The following TVP23C variants were observed in gnomAD, a reference collection of about 807,000 sequenced individuals.
TVP23C encodes Golgi apparatus membrane protein TVP23 homolog C.
TVP23C carries 19 observed loss-of-function variants against 28.7 expected under a neutral mutation model. That is an observed-to-expected ratio of 0.66 (90% CI 0.46 to 0.97). The LOEUF is 0.97. Among genes scored for constraint, TVP23C ranks in the 50% least tolerant of loss-of-function variants. The pLI is 0.00. For synonymous variants in TVP23C, 68 were observed against 81.7 expected, an observed-to-expected ratio of 0.83 and a Z score of 0.90; for missense variants, 186 against 241.3, an observed-to-expected ratio of 0.77 and a Z score of 1.52.
rs1271059962 is a variant in TVP23C at position 15,538,838 on chromosome 17, C to T, written c.*1574G>A. 35 of 985,696 alleles carry T rather than the reference C, an allele frequency of 3.6e-5. No individual in the cohort carries two copies. The highest frequency in any genetic ancestry group is 1.1e-4 in the East Asian group (1 of 8,818). 61.1% of individuals were successfully genotyped at this position (985,696 alleles called of 1,614,324 possible). ...AATAAGCACATACATGAAAGTTACC[C>T]TAAGGTGGACCACAGTAAAGGTATA... On this transcript the variant is annotated 3_prime_UTR_variant, in exon 6 of 6. Coordinates refer to ENST00000518321, the MANE Select transcript of TVP23C (RefSeq NM_001135036.2).
intron 2 of TVP23C, among the ~76,000 whole-genome samples, chr17:15,554,234 TTC>T: frequency 7.1e-6 from 1 of 141,532 alleles, no homozygotes; most frequent in African/African-American, 2.6e-5. Flanking sequence ...GTTTGTTTGT[TTC>T]TTTTTTTTTT....
At chr17:15,546,928 C>T in intron 4 of TVP23C, 131 bp downstream of exon 4, 1 of 891,684 alleles carries the variant, frequency 1.1e-6, no homozygotes. Context: ...AAGGCCATCT[C>T]CTTTAGTGCT....
At chr17:15,506,138 G>A (rs1318779884) in intron 5 of TVP23C, among the ~76,000 whole-genome samples, 1 of 152,272 alleles carries the variant, frequency 6.6e-6, no homozygotes, top group Non-Finnish European at 1.5e-5. Flanking sequence ...ACTAGGTGAA[G>A]CCAGCTGGGC....
intron 3 of TVP23C, among the ~76,000 whole-genome samples, chr17:15,551,955 T>C (rs1983912300): frequency 6.6e-6 from 1 of 152,226 alleles, no homozygotes; most frequent in South Asian, 2.1e-4. Flanking sequence ...CTCCATTGTT[T>C]TGCTATCTAT....
chr17:15,519,502 A>C (rs1317467749), intron 5 of TVP23C, among the ~76,000 whole-genome samples: 1 of 151,922 alleles, frequency 6.6e-6, no homozygotes, highest in African/African-American at 2.4e-5. Flanking sequence ...ACACACACAC[A>C]CACACAAATT....
At chr17:15,558,546 T>G (rs1225660899) in intron 1 of TVP23C, among the ~76,000 whole-genome samples, 1 of 148,104 alleles carries the variant, frequency 6.8e-6, no homozygotes, top group Non-Finnish European at 1.5e-5. Flanking sequence ...TCAGATGACA[T>G]GATTACAATG....
chr17:15,547,223 G>A (rs1983686703), intron 3 of TVP23C, 75 bp from the exon 4 acceptor site: 2 of 1,601,978 alleles, frequency 1.2e-6, no homozygotes, highest in Admixed American at 1.8e-5. Context: ...CTATCTTAGT[G>A]TAACATTTCA....
At chr17:15,502,793 CCT>C in exon 6 of TVP23C, 1 of 1,473,052 alleles carries the variant, frequency 6.8e-7, no homozygotes, top group Non-Finnish European at 9.0e-7. Context: ...CTCCCTCTCT[CCT>C]CTCTCCTCTC....
chr17:15,536,053 G>A (rs1296331478), downstream of TVP23C, among the ~76,000 whole-genome samples: 1 of 152,094 alleles, frequency 6.6e-6, no homozygotes, highest in African/African-American at 2.4e-5. Flanking sequence ...TTAGCCAGGT[G>A]TAGTGGCAGG....
intron 5 of TVP23C, among the ~76,000 whole-genome samples, chr17:15,530,488 C>G (rs562548684): frequency 6.6e-6 from 1 of 152,246 alleles, no homozygotes; most frequent in East Asian, 1.9e-4. Context: ...AGTTATAACC[C>G]TATCAACATT....
At chr17:15,528,400 G>T (rs1235600523) in intron 5 of TVP23C, among the ~76,000 whole-genome samples, 2 of 151,636 alleles carry the variant, frequency 1.3e-5, no homozygotes, top group Non-Finnish European at 2.9e-5. Flanking sequence ...ACATCTTTGT[G>T]AATTTCCCAA....
intron 5 of TVP23C, among the ~76,000 whole-genome samples, chr17:15,527,569 A>T (rs1051852683): frequency 1.3e-5 from 2 of 152,180 alleles, no homozygotes; most frequent in African/African-American, 4.8e-5. Flanking sequence ...GCTTGGGACT[A>T]TACTGAACAT....
At position 15,542,500 on chromosome 17, in the gene TVP23C, G is replaced by T. The variant is rs553503273; in HGVS notation, c.463-1939C>A. On this transcript the variant is annotated intron_variant, in intron 5 of 5. Transcript: ENST00000518321. The stretch of plus-strand genomic sequence containing the variant: ...TTTTTATTTATTTATTTTTTGAGAC[G>T]GAGTCTCGCTCTGTCACTCAGGCTG... 3.3e-5 allele frequency among the ~76,000 whole-genome samples: 5 copies of T among 151,720 alleles called. No individual in the cohort carries two copies. In the East Asian group the frequency reaches 7.8e-4, roughly 24 times the overall value.
intron 2 of TVP23C, 43 bp from the exon 3 acceptor site, chr17:15,553,872 C>T: frequency 1.2e-6 from 2 of 1,612,002 alleles, no homozygotes; most frequent in Non-Finnish European, 1.7e-6. Context: ...TTACATTTTA[C>T]TACAGGTACT....
chr17:15,538,511 A>T lies in TVP23C; in HGVS notation c.*1901T>A, dbSNP rs964541721. 1.4e-5 allele frequency: 11 copies of T among 795,852 alleles called. No individual in the cohort carries two copies. Among genetic ancestry groups the T allele is most frequent in the African/African-American group, 1.9e-5 (1 of 53,550 alleles). 49.3% of individuals were successfully genotyped at this position (795,852 alleles called of 1,614,324 possible). Reference sequence around the variant, plus strand: ...AGGCTGAGGCAGAAGAATAGTATGAACCCGGGAGGTGGAGTTTGCAGTGAG... The same window carrying T: ...AGGCTGAGGCAGAAGAATAGTATGATCCCGGGAGGTGGAGTTTGCAGTGAG... On this transcript the variant is annotated 3_prime_UTR_variant, in exon 6 of 6. Transcript: ENST00000518321.
chr17:15,516,901 C>CA (rs1265499600), intron 5 of TVP23C, among the ~76,000 whole-genome samples: 5 of 152,164 alleles, frequency 3.3e-5, no homozygotes, highest in Non-Finnish European at 7.3e-5. Context: ...TGCCCTACTT[C>CA]AGCAGGGCAT....
chr17:15,503,442 T>C, intron 5 of TVP23C: 1 of 543,730 alleles, frequency 1.8e-6, no homozygotes, highest in Non-Finnish European at 3.1e-6. Flanking sequence ...TGACCTGCTT[T>C]AGAACGCCTC....
chr17:15,541,976 A>C (rs1224885757), intron 5 of TVP23C, among the ~76,000 whole-genome samples: 2 of 152,190 alleles, frequency 1.3e-5, no homozygotes, highest in Non-Finnish European at 2.9e-5. Flanking sequence ...CTGGTTTAAG[A>C]TGGTGCAGTG....
At chr17:15,544,070 T>TAA (rs879918055) in intron 5 of TVP23C, among the ~76,000 whole-genome samples, 2 of 143,680 alleles carry the variant, frequency 1.4e-5, no homozygotes, top group Non-Finnish European at 3.1e-5. Context: ...TTACATGAAC[T>TAA]AAAAAAAAAA....
Sources: allele counts gnomAD v4.1 joint callset (sites outside exome capture counted in the v4.1 genomes callset), GRCh38; gene constraint gnomAD v4.1.1; transcripts MANE v1.5; gene names NCBI Gene and HGNC (gene_info 2026-07-23, HGNC 2026-07-21).